Variants in RPH3AL observed in about 807,000 individuals in gnomAD.
The protein encoded by RPH3AL is rabphilin 3A like (without C2 domains).
A neutral mutation model predicts 43.1 loss-of-function variants in RPH3AL; 38 were observed. The observed-to-expected ratio is 0.88, with a 90% CI of 0.68 to 1.15. The LOEUF (loss-of-function observed/expected upper bound fraction) is 1.15, where lower values mean the gene tolerates loss of function less well. RPH3AL is among the 50% of genes most tolerant of loss of function. RPH3AL has a pLI of 0.00. For missense variants in RPH3AL, 462 were observed against 423.2 expected, an observed-to-expected ratio of 1.09 and a Z score of -0.81; for synonymous variants, 189 against 176.3, an observed-to-expected ratio of 1.07 and a Z score of -0.57.
chr17:301,155 C>T (rs1487169308), intron 5 of RPH3AL, among the ~76,000 whole-genome samples: 1 of 152,272 alleles, frequency 6.6e-6, no homozygotes, highest in Non-Finnish European at 1.5e-5. Flanking sequence ...GGCTGCAATC[C>T]CTTCCCCAGC....
chr17:315,642 G>A (rs1555520218), intron 5 of RPH3AL, among the ~76,000 whole-genome samples: 4 of 148,896 alleles, frequency 2.7e-5, no homozygotes, highest in African/African-American at 2.5e-5. Context: ...CCACTGACCT[G>A]TAGTCCCTGT....
chr17:301,221 T>C (rs905268833), intron 5 of RPH3AL, among the ~76,000 whole-genome samples: 2 of 152,256 alleles, frequency 1.3e-5, no homozygotes, highest in African/African-American at 4.8e-5. Context: ...TATTCGAAAG[T>C]GGGACGAGAC....
chr17:324,647 G>T (rs1309401836), intron 3 of RPH3AL, among the ~76,000 whole-genome samples: 2 of 150,644 alleles, frequency 1.3e-5, no homozygotes, highest in Admixed American at 1.3e-4. Flanking sequence ...TAAACCTTCT[G>T]TCCACCTCTC....
chr17:271,657 G>A (rs2042465814), intron 6 of RPH3AL, among the ~76,000 whole-genome samples: 1 of 152,190 alleles, frequency 6.6e-6, no homozygotes, highest in Non-Finnish European at 1.5e-5. Flanking sequence ...ATCAGCTTAA[G>A]GAGATTTTGG....
chr17:307,067 G>A (rs2043506235), intron 5 of RPH3AL, among the ~76,000 whole-genome samples: 1 of 151,700 alleles, frequency 6.6e-6, no homozygotes, highest in Non-Finnish European at 1.5e-5. Flanking sequence ...AGGTGCCGCA[G>A]CTCACCCATG....
chr17:316,723 A>T (rs1290434681), intron 5 of RPH3AL, among the ~76,000 whole-genome samples: 3 of 142,072 alleles, frequency 2.1e-5, no homozygotes, highest in African/African-American at 8.1e-5. Flanking sequence ...TCTGTGCCCC[A>T]CCTCCATTGA....
intron 5 of RPH3AL, among the ~76,000 whole-genome samples, chr17:305,277 A>T (rs1040072126): frequency 6.6e-6 from 1 of 151,930 alleles, no homozygotes; most frequent in African/African-American, 2.4e-5. Flanking sequence ...ACTCAGGGTC[A>T]AAGCCAAGCT....
At chr17:303,822 G>GC (rs1491386101) in intron 5 of RPH3AL, among the ~76,000 whole-genome samples, 3 of 7,962 alleles carry the variant, frequency 3.8e-4, no homozygotes, top group African/African-American at 1.5e-3. Context: ...AAGAGATGGG[G>GC]AGGGAGGGAG....
chr17:238,282 G>A lies in RPH3AL; in HGVS notation c.613+8829C>T, dbSNP rs912852987. ...AGAGAAAGAGAAAAAGAGAGAGAGA[G>A]AAAGAAAAGCAACAAAATGAAACGA... On this transcript the variant is annotated intron_variant, in intron 7 of 9. Coordinates refer to ENST00000331302, the MANE Select transcript of RPH3AL (RefSeq NM_006987.4). 5.3e-5 allele frequency among the ~76,000 whole-genome samples: 8 copies of A among 151,074 alleles called. No homozygotes were observed. The South Asian group carries it at 1.1e-3, about 20-fold the overall frequency.
At chr17:352,239 A>G (rs2045368165) in intron 1 of RPH3AL, among the ~76,000 whole-genome samples, 1 of 152,144 alleles carries the variant, frequency 6.6e-6, no homozygotes, top group Non-Finnish European at 1.5e-5. Flanking sequence ...CAATACAAAC[A>G]GCTCTCCAAC....
chr17:301,584 G>A (rs1244665605), intron 5 of RPH3AL, among the ~76,000 whole-genome samples: 5 of 151,888 alleles, frequency 3.3e-5, no homozygotes, highest in Non-Finnish European at 5.9e-5. Context: ...GGACTGCAGG[G>A]GCACAACCAG....
intron 7 of RPH3AL, among the ~76,000 whole-genome samples, chr17:235,553 G>A (rs1161188448): frequency 1.4e-5 from 2 of 145,554 alleles, no homozygotes; most frequent in East Asian, 4.1e-4. Context: ...ACGGGTCCCG[G>A]GTTCAAAGCT....
At chr17:235,973 C>G (rs1312183038) in intron 7 of RPH3AL, among the ~76,000 whole-genome samples, 2 of 142,356 alleles carry the variant, frequency 1.4e-5, no homozygotes, top group African/African-American at 2.7e-5. Context: ...TGGGGTCGGC[C>G]AAGGCTCTAC....
chr17:213,843 C>T lies in RPH3AL; in HGVS notation c.*9G>A, dbSNP rs201694855. 997 of 1,610,252 alleles carry T rather than the reference C, an allele frequency of 6.2e-4. 1 individual carries two copies. The highest frequency in any genetic ancestry group is 7.9e-4 in the Non-Finnish European group (928 of 1,177,126). On this transcript the variant is annotated 3_prime_UTR_variant, in exon 10 of 10. Transcript: ENST00000331302. ...TCCACAGGGAAGTCTGTTCCAGGCA[C>T]CAGACACCTCAGCCCAGGCAGCTGG...
At chr17:281,728 G>T in intron 6 of RPH3AL, 40 bp downstream of exon 6, 1 of 1,243,222 alleles carries the variant, frequency 8.0e-7, no homozygotes, top group Non-Finnish European at 1.1e-6. Flanking sequence ...GGCATATCCA[G>T]CCCACTCAGC....
At position 323,466 on chromosome 17, in the gene RPH3AL, C is replaced by G. The variant is rs1273494705; in HGVS notation, c.78-2051G>C. On this transcript the variant is annotated intron_variant, in intron 3 of 9. Transcript: ENST00000331302. This position sits in a 1 kb window ranked among gnomAD's most constrained non-coding sequence, Gnocchi z 4.4. ...AGGCCCCAAAAAGCAATATCCCCTCCACAACCCCTACCTACTGGTTTGTTC... is the reference window on the plus strand; with the variant it reads ...AGGCCCCAAAAAGCAATATCCCCTCGACAACCCCTACCTACTGGTTTGTTC... Among the ~76,000 whole-genome samples, 1 of 152,154 alleles carries G rather than the reference C, an allele frequency of 6.6e-6. No individual in the cohort carries two copies. The highest frequency in any genetic ancestry group is 2.4e-5 in the African/African-American group (1 of 41,422).
At position 255,887 on chromosome 17, in the gene RPH3AL, G is replaced by A. The variant is rs1306339898; in HGVS notation, c.439-8602C>T. 6.2e-5 allele frequency among the ~76,000 whole-genome samples: 4 copies of A among 64,132 alleles called. No homozygotes were observed. In the South Asian group the frequency reaches 1.7e-3, roughly 28 times the overall value. The allele number at this position is 64,132 out of a possible 152,430, so 42.1% of individuals were successfully genotyped here. On this transcript the variant is annotated intron_variant, in intron 6 of 9. Transcript: ENST00000331302. ...TCTGTCCTGTTCCGTCCCTAGGAATGTGACTACCCTACGTACTTCCTATGA... is the reference window on the plus strand; with the variant it reads ...TCTGTCCTGTTCCGTCCCTAGGAATATGACTACCCTACGTACTTCCTATGA...
At chr17:305,619 C>T (rs112239029) in intron 5 of RPH3AL, among the ~76,000 whole-genome samples, 3,147 of 152,244 alleles carry the variant, frequency 0.021, 67 homozygotes, top group Non-Finnish European at 0.034. Context: ...GATACTAGGT[C>T]ACAGGAATGT....
rs183602792 is a variant in RPH3AL at position 252,361 on chromosome 17, T to C, written c.439-5076A>G. Among the ~76,000 whole-genome samples the C allele has an allele frequency of 1.7e-3, 254 of 152,216 alleles. 1 individual carries two copies. The highest frequency in any genetic ancestry group is 5.6e-3 in the African/African-American group (234 of 41,524). ...AAGTAAAATGAAACTAGGCCACCTA[T>C]AACATCACTGCACAGAGACGCCCTG... On this transcript the variant is annotated intron_variant, in intron 6 of 9. Transcript: ENST00000331302.
Sources: allele counts gnomAD v4.1 joint callset (sites outside exome capture counted in the v4.1 genomes callset), GRCh38; gene constraint gnomAD v4.1.1; non-coding constraint Gnocchi (gnomAD v3.1); transcripts MANE v1.5; gene names NCBI Gene and HGNC (gene_info 2026-07-23, HGNC 2026-07-21).